The following AP3S1 variants were observed in gnomAD, a reference collection of about 807,000 sequenced individuals.
AP3S1 encodes the protein adaptor related protein complex 3 subunit sigma 1.
A neutral mutation model predicts 21.3 loss-of-function variants in AP3S1; 12 were observed. That is an observed-to-expected ratio of 0.56 (90% CI 0.36 to 0.91). AP3S1 has a LOEUF of 0.91. AP3S1 is among the 40% of genes least tolerant of loss of function. The pLI is 0.01. For synonymous variants in AP3S1, 48 were observed against 78.4 expected, an observed-to-expected ratio of 0.61 and a Z score of 2.05; for missense variants, 116 against 225.0, an observed-to-expected ratio of 0.52 and a Z score of 3.10.
chr5:115,881,872 A>G (rs990225902), intron 3 of AP3S1, among the ~76,000 whole-genome samples: 2 of 152,016 alleles, frequency 1.3e-5, no homozygotes, highest in South Asian at 2.1e-4. Flanking sequence ...ATGTAGTGTC[A>G]TATTTCTTGG....
intron 1 of AP3S1, among the ~76,000 whole-genome samples, chr5:115,856,681 C>G (rs2112797411): frequency 6.6e-6 from 1 of 152,198 alleles, no homozygotes; most frequent in Admixed American, 6.5e-5. Flanking sequence ...ACTTTGTAGC[C>G]CAGGCTGGTA....
chr5:115,893,060 C>T (rs1750452730), intron 3 of AP3S1, among the ~76,000 whole-genome samples: 1 of 152,158 alleles, frequency 6.6e-6, no homozygotes, highest in Non-Finnish European at 1.5e-5. Context: ...TGAGTATCTG[C>T]TTAAATTGCT....
At chr5:115,909,750 C>A (rs539140274) in intron 5 of AP3S1, among the ~76,000 whole-genome samples, 1 of 152,090 alleles carries the variant, frequency 6.6e-6, no homozygotes, top group Non-Finnish European at 1.5e-5. Flanking sequence ...CTTACTTTTA[C>A]GTTTAAAAAT....
intron 1 of AP3S1, among the ~76,000 whole-genome samples, chr5:115,863,787 A>G (rs1763386737): frequency 6.6e-6 from 1 of 152,218 alleles, no homozygotes; most frequent in African/African-American, 2.4e-5. Context: ...TAAGGAAGGT[A>G]AAGGATCTAA....
intron 1 of AP3S1, among the ~76,000 whole-genome samples, chr5:115,856,203 C>G (rs1762787051): frequency 6.6e-6 from 1 of 152,004 alleles, no homozygotes; most frequent in Non-Finnish European, 1.5e-5. Flanking sequence ...ATGAAAGCTG[C>G]TAAGTTAAAT....
intron 3 of AP3S1, among the ~76,000 whole-genome samples, chr5:115,877,080 A>G (rs1172254292): frequency 1.3e-5 from 2 of 152,160 alleles, no homozygotes; most frequent in Non-Finnish European, 2.9e-5. Context: ...ATTCTTACCT[A>G]AAAGAATTAT....
At chr5:115,891,238 A>AT (rs904965717) in intron 3 of AP3S1, among the ~76,000 whole-genome samples, 3 of 151,978 alleles carry the variant, frequency 2.0e-5, no homozygotes, top group African/African-American at 4.8e-5. Flanking sequence ...AACATACAAG[A>AT]TTTTTTTTGC....
At position 115,884,807 on chromosome 5, in the gene AP3S1, G is replaced by T. The variant is rs115311300; in HGVS notation, c.274-10280G>T. Among the ~76,000 whole-genome samples, 955 of 152,202 alleles carry T rather than the reference G, an allele frequency of 6.3e-3. 10 individuals carry two copies. The highest frequency in any genetic ancestry group is 0.022 in the African/African-American group (912 of 41,524). ...TCTGGGTTAAAAAATCACTTAACTA[G>T]TAAGGCAACCATTTTTTTTTCCTAG... On this transcript the variant is annotated intron_variant, in intron 3 of 5. Transcript: ENST00000316788.
At position 115,888,701 on chromosome 5, in the gene AP3S1, A is replaced by G. The variant is rs548141816; in HGVS notation, c.274-6386A>G. 4.6e-5 allele frequency among the ~76,000 whole-genome samples: 7 copies of G among 152,152 alleles called. No individual in the cohort carries two copies. The East Asian group carries it at 1.3e-3, about 29-fold the overall frequency. On this transcript the variant is annotated intron_variant, in intron 3 of 5. Coordinates refer to ENST00000316788, the MANE Select transcript of AP3S1 (RefSeq NM_001284.4). The stretch of plus-strand genomic sequence containing the variant: ...TTTTCTTCCTAAGTTAACAAATTAC[A>G]GTGTCTTGGTAGTTGTGGCATGTAG...
chr5:115,910,526 A>T (rs1752017515), intron 5 of AP3S1, among the ~76,000 whole-genome samples: 1 of 152,140 alleles, frequency 6.6e-6, no homozygotes, highest in South Asian at 2.1e-4. Context: ...AAAAAATCTT[A>T]ACCAAGATGA....
chr5:115,895,208 A>G (rs573149398), intron 4 of AP3S1, 50 bp downstream of exon 4: 3 of 1,245,664 alleles, frequency 2.4e-6, no homozygotes, highest in East Asian at 4.9e-5. Context: ...ACATTAACTT[A>G]TAATTGTCAT....
At chr5:115,853,356 C>CT (rs1390775291) in intron 1 of AP3S1, among the ~76,000 whole-genome samples, 18 of 152,196 alleles carry the variant, frequency 1.2e-4, no homozygotes, top group African/African-American at 4.3e-4. Flanking sequence ...TTAATATACT[C>CT]TAAGTGCAGA....
intron 1 of AP3S1, among the ~76,000 whole-genome samples, chr5:115,845,061 A>G (rs1364136308): frequency 6.6e-6 from 1 of 152,208 alleles, no homozygotes; most frequent in Non-Finnish European, 1.5e-5. Context: ...TTCACTAACT[A>G]GAGGTTTTAA....
chr5:115,859,972 T>C (rs1348776170), intron 1 of AP3S1, among the ~76,000 whole-genome samples: 10 of 152,306 alleles, frequency 6.6e-5, no homozygotes, highest in Non-Finnish European at 1.2e-4. Context: ...CAACCCAAAC[T>C]TATCGTTGTA....
intron 4 of AP3S1, 138 bp downstream of exon 4, chr5:115,895,296 C>A: frequency 1.8e-6 from 1 of 566,456 alleles, no homozygotes; most frequent in Non-Finnish European, 3.0e-6. Flanking sequence ...TACTATGAGC[C>A]AGGCTTTGTG....
At position 115,890,304 on chromosome 5, in the gene AP3S1, G is replaced by A. The variant is rs183975222; in HGVS notation, c.274-4783G>A. 2.4e-3 allele frequency among the ~76,000 whole-genome samples: 364 copies of A among 152,260 alleles called. 2 individuals are homozygous for A. The highest frequency in any genetic ancestry group is 3.8e-3 in the Non-Finnish European group (261 of 68,004). ...CACACTGTGATATTCTAATTCAGTGGCATACTGTACAACTAAGAATGATTA... is the reference window on the plus strand; with the variant it reads ...CACACTGTGATATTCTAATTCAGTGACATACTGTACAACTAAGAATGATTA... On this transcript the variant is annotated intron_variant, in intron 3 of 5. Coordinates refer to ENST00000316788, the MANE Select transcript of AP3S1 (RefSeq NM_001284.4).
chr5:115,843,306 T>C (rs757162701), intron 1 of AP3S1, among the ~76,000 whole-genome samples: 1 of 152,272 alleles, frequency 6.6e-6, no homozygotes, highest in Non-Finnish European at 1.5e-5. Flanking sequence ...AAAGTAAATG[T>C]GAAAATGTCA....
At chr5:115,904,539 G>A (rs2112576478) in intron 5 of AP3S1, among the ~76,000 whole-genome samples, 1 of 152,244 alleles carries the variant, frequency 6.6e-6, no homozygotes, top group African/African-American at 2.4e-5. Context: ...TTATAGTGGT[G>A]ATTTAGAGCT....
intron 2 of AP3S1, among the ~76,000 whole-genome samples, chr5:115,867,835 T>A (rs1747827136): frequency 6.6e-6 from 1 of 152,220 alleles, no homozygotes; most frequent in Admixed American, 6.5e-5. Context: ...GTGCACTGCA[T>A]GTAAGAACTT....
Sources: allele counts gnomAD v4.1 joint callset (sites outside exome capture counted in the v4.1 genomes callset), GRCh38; gene constraint gnomAD v4.1.1; transcripts MANE v1.5; gene names NCBI Gene and HGNC (gene_info 2026-07-23, HGNC 2026-07-21).